ELOVL5: variants seen among roughly 807,000 people sequenced by gnomAD.
ELOVL5 encodes the protein very long chain fatty acid elongase 5.
In ELOVL5, 8 loss-of-function variants were observed where a neutral mutation model predicts 38.6. The observed-to-expected ratio is 0.21, with a 90% CI of 0.12 to 0.37. The LOEUF is 0.37. ELOVL5 is among the 10% of genes least tolerant of loss of function. ELOVL5 has a pLI of 1.00. For synonymous variants in ELOVL5, 127 were observed against 133.7 expected (o/e 0.95, Z 0.34); for missense variants, 280 against 367.8 (o/e 0.76, Z 1.95).
At chr6:53,270,442 C>T in intron 7 of ELOVL5, 151 bp downstream of exon 7, 1 of 772,156 alleles carries the variant, frequency 1.3e-6, no homozygotes, top group Non-Finnish European at 2.1e-6. Context: ...GTGAGCCCCC[C>T]AGAGGCAGGG....
chr6:53,332,118 T>A (rs1314590844), intron 1 of ELOVL5, among the ~76,000 whole-genome samples: 1 of 152,060 alleles, frequency 6.6e-6, no homozygotes, highest in African/African-American at 2.4e-5. Context: ...CACCTCCGAG[T>A]AGGCCCCACC....
intron 1 of ELOVL5, among the ~76,000 whole-genome samples, chr6:53,342,404 G>A (rs1769370328): frequency 6.6e-6 from 1 of 152,170 alleles, no homozygotes; most frequent in Non-Finnish European, 1.5e-5. Context: ...AGAGGAACAA[G>A]TACTACTCTG....
At chr6:53,340,701 A>G (rs1198707525) in intron 1 of ELOVL5, among the ~76,000 whole-genome samples, 2 of 152,244 alleles carry the variant, frequency 1.3e-5, no homozygotes, top group African/African-American at 4.8e-5. Context: ...GGTATATCAT[A>G]TGCCCTATGT....
chr6:53,293,983 G>A, intron 2 of ELOVL5: 1 of 682,976 alleles, frequency 1.5e-6, no homozygotes, highest in Non-Finnish European at 2.0e-6. Flanking sequence ...TTGGGCCTTG[G>A]CTGTCAATTT....
intron 3 of ELOVL5, chr6:53,290,292 T>C (rs1766725509): frequency 6.6e-6 from 1 of 152,260 alleles, no homozygotes; most frequent in African/African-American, 2.4e-5. Flanking sequence ...ATGAAATATT[T>C]TTCTCTATTA....
At chr6:53,348,734 A>C in intron 1 of ELOVL5, 83 bp downstream of exon 1, 1 of 443,830 alleles carries the variant, frequency 2.3e-6, no homozygotes, top group Non-Finnish European at 4.5e-6. Context: ...GTTCTCTCTG[A>C]CCGCTTCCCG....
At chr6:53,275,372 C>G in intron 4 of ELOVL5, 111 bp from the exon 5 acceptor site, 1 of 1,096,072 alleles carries the variant, frequency 9.1e-7, no homozygotes, top group Non-Finnish European at 1.3e-6. Context: ...CGGAGAAGCC[C>G]GAGTGCCCCA....
At position 53,268,685 on chromosome 6, in the gene ELOVL5, C is replaced by T. The variant is rs1765818098; in HGVS notation, c.*442G>A. Reference sequence around the variant, plus strand: ...ACATACCCTAATTTAAACTAATAAGCTTTGGGCCCTGCTTTTTAAATTTTA... The same window carrying T: ...ACATACCCTAATTTAAACTAATAAGTTTTGGGCCCTGCTTTTTAAATTTTA... On this transcript the variant is annotated 3_prime_UTR_variant, in exon 8 of 8. Transcript: ENST00000304434. The T allele has an allele frequency of 6.5e-6, 1 of 152,954 alleles. No individual in the cohort carries two copies. Among genetic ancestry groups the T allele is most frequent in the African/African-American group, 2.4e-5 (1 of 41,398 alleles). The allele number at this position is 152,954 out of a possible 1,614,324, so 9.5% of individuals were successfully genotyped here.
At chr6:53,279,670 A>T (rs947765481) in intron 3 of ELOVL5, among the ~76,000 whole-genome samples, 9 of 152,240 alleles carry the variant, frequency 5.9e-5, no homozygotes, top group Admixed American at 5.2e-4. Flanking sequence ...GCTTCATAGT[A>T]TTTTAAACGA....
chr6:53,347,849 G>C (rs1486408276), intron 1 of ELOVL5, among the ~76,000 whole-genome samples: 1 of 152,200 alleles, frequency 6.6e-6, no homozygotes, highest in Non-Finnish European at 1.5e-5. Flanking sequence ...CAAGAACACG[G>C]AACGGTTGCA....
chr6:53,304,955 G>A (rs1216684289), intron 1 of ELOVL5, among the ~76,000 whole-genome samples: 4 of 152,100 alleles, frequency 2.6e-5, no homozygotes, highest in African/African-American at 9.7e-5. Context: ...CCTCCCAGAC[G>A]GGGTGGTGGC....
chr6:53,302,192 T>C (rs1278882726), intron 1 of ELOVL5, among the ~76,000 whole-genome samples: 2 of 152,206 alleles, frequency 1.3e-5, no homozygotes, highest in Non-Finnish European at 2.9e-5. Context: ...GTCCTGCTCA[T>C]GTGGAAAATC....
At chr6:53,342,822 A>G (rs1769384474) in intron 1 of ELOVL5, among the ~76,000 whole-genome samples, 1 of 152,216 alleles carries the variant, frequency 6.6e-6, no homozygotes, top group South Asian at 2.1e-4. Context: ...CCTGAATGCA[A>G]TTACAACTGT....
intron 3 of ELOVL5, among the ~76,000 whole-genome samples, chr6:53,280,664 C>T (rs1766314830): frequency 6.6e-6 from 1 of 152,228 alleles, no homozygotes; most frequent in African/African-American, 2.4e-5. Flanking sequence ...ACAATCTCAG[C>T]TCACTGCAAC....
At chr6:53,286,731 G>A (rs1004778324) in intron 3 of ELOVL5, among the ~76,000 whole-genome samples, 6 of 151,762 alleles carry the variant, frequency 4.0e-5, no homozygotes, top group East Asian at 1.9e-4. Flanking sequence ...ACATCTATAC[G>A]ACTCAAGATG....
intron 1 of ELOVL5, among the ~76,000 whole-genome samples, chr6:53,333,334 G>A (rs1768888558): frequency 2.0e-5 from 3 of 152,172 alleles, no homozygotes. Context: ...TTCTTCGTTT[G>A]GAAAACATTA....
At chr6:53,291,687 G>A (rs1766780108) in intron 3 of ELOVL5, 89 bp downstream of exon 3, 3 of 1,064,890 alleles carry the variant, frequency 2.8e-6, no homozygotes, top group South Asian at 2.0e-5. Flanking sequence ...CACCCCAAGC[G>A]GCCACCTTTC....
chr6:53,287,597 G>A (rs1766620409), intron 3 of ELOVL5, among the ~76,000 whole-genome samples: 1 of 152,192 alleles, frequency 6.6e-6, no homozygotes, highest in Non-Finnish European at 1.5e-5. Flanking sequence ...CTCTTCCTTA[G>A]TACGCTCATG....
At chr6:53,276,457 T>C (rs1235011549) in intron 3 of ELOVL5, among the ~76,000 whole-genome samples, 5 of 152,186 alleles carry the variant, frequency 3.3e-5, no homozygotes, top group African/African-American at 1.2e-4. Context: ...AGGGGTGGGC[T>C]TAAAAGTCAC....
Sources: gnomAD v4.1 joint callset for allele counts (sites outside exome capture counted in the v4.1 genomes callset) on GRCh38, gnomAD v4.1.1 for gene constraint, MANE v1.5 for transcripts, NCBI Gene and HGNC (gene_info 2026-07-23, HGNC 2026-07-21) for gene names.